Variants in SUMF1 observed in about 807,000 individuals in gnomAD.
SUMF1 encodes the protein formylglycine-generating enzyme.
In SUMF1, 48 loss-of-function variants were observed where a neutral mutation model predicts 47.6. The ratio of observed to expected loss-of-function variants is 1.01; its 90% CI spans 0.80 to 1.28. The LOEUF (loss-of-function observed/expected upper bound fraction) is 1.28, where lower values mean the gene tolerates loss of function less well. Among genes scored for constraint, SUMF1 ranks in the 50% most tolerant of loss-of-function variants. The pLI, the probability that SUMF1 is intolerant of heterozygous loss-of-function variation, is 0.00. For synonymous variants in SUMF1, 230 were observed against 192.1 expected (o/e 1.20, Z -1.63); for missense variants, 571 against 485.4 (o/e 1.18, Z -1.66).
intron 8 of SUMF1, among the ~76,000 whole-genome samples, chr3:4,087,317 C>T (rs1356229): frequency 0.12 from 18,014 of 152,102 alleles, 2,101 homozygotes; most frequent in African/African-American, 0.28. Flanking sequence ...GAATAGTTAC[C>T]ATGCAGCATG....
rs370394764 is a variant in SUMF1 at position 4,187,587 on chromosome 3, G to A, written c.1015-118842C>T. 9.9e-4 allele frequency among the ~76,000 whole-genome samples: 151 copies of A among 152,250 alleles called. 4 individuals are homozygous for A. In the South Asian group the frequency reaches 0.03, roughly 31 times the overall value. ...AAATTGAGGAATTAAAATTGGAGAA[G>A]ACGAATTTTATTGAGGGTTTCCCAA... On this transcript the variant is annotated intron_variant and NMD_transcript_variant, in intron 8 of 12. Coordinates refer to the SUMF1 transcript ENST00000448413.
chr3:4,345,284 G>A (rs573414642), intron 8 of SUMF1, among the ~76,000 whole-genome samples: 3 of 152,198 alleles, frequency 2.0e-5, no homozygotes, highest in Non-Finnish European at 4.4e-5. Flanking sequence ...CAGCCAGACA[G>A]AAAGGTCAGG....
downstream of SUMF1, among the ~76,000 whole-genome samples, chr3:4,360,205 C>CTTTT (rs57690047): frequency 0.11 from 11,829 of 103,872 alleles, 1,743 homozygotes; most frequent in African/African-American, 0.28. Flanking sequence ...AATGTTTGTT[C>CTTTT]TTTTTTTTTT....
At chr3:4,442,862 A>C (rs1238961824) in intron 3 of SUMF1, among the ~76,000 whole-genome samples, 1 of 152,148 alleles carries the variant, frequency 6.6e-6, no homozygotes, top group East Asian at 1.9e-4. Flanking sequence ...CTCAAGCTCA[A>C]ATGCAATCCA....
intron 1 of SUMF1, among the ~76,000 whole-genome samples, chr3:4,456,658 GTA>G (rs1310131227): frequency 2.3e-4 from 29 of 126,352 alleles, no homozygotes; most frequent in South Asian, 1.2e-3. Flanking sequence ...ATATGTGTGT[GTA>G]TATATATATA....
At chr3:4,313,599 T>G (rs199553703) in intron 8 of SUMF1, 1 of 1,614,116 alleles carries the variant, frequency 6.2e-7, no homozygotes, top group Admixed American at 1.7e-5. Flanking sequence ...TAAGGAAACC[T>G]TGTTACTGTG....
chr3:4,301,837 G>C (rs1269718944), intron 8 of SUMF1, among the ~76,000 whole-genome samples: 1 of 152,230 alleles, frequency 6.6e-6, no homozygotes, highest in Non-Finnish European at 1.5e-5. Flanking sequence ...TGCGTAACTG[G>C]ATTTGAGGAG....
intron 8 of SUMF1, among the ~76,000 whole-genome samples, chr3:4,271,599 T>C (rs887156645): frequency 1.3e-5 from 2 of 152,092 alleles, no homozygotes; most frequent in Non-Finnish European, 2.9e-5. Flanking sequence ...AATCCCAGGC[T>C]CAAGTGATTC....
intron 9 of SUMF1, among the ~76,000 whole-genome samples, chr3:4,059,916 A>G (rs921212922): frequency 3.9e-5 from 6 of 152,130 alleles, no homozygotes; most frequent in Non-Finnish European, 7.3e-5. Context: ...AGGGGACTGT[A>G]TATGCAAAGG....
chr3:4,093,544 C>G (rs545357931), intron 8 of SUMF1, among the ~76,000 whole-genome samples: 9 of 151,904 alleles, frequency 5.9e-5, no homozygotes, highest in Non-Finnish European at 8.8e-5. Flanking sequence ...TGAGTAGGAG[C>G]ATACAAACAC....
At chr3:4,241,954 T>A (rs926453834) in intron 8 of SUMF1, among the ~76,000 whole-genome samples, 1 of 152,148 alleles carries the variant, frequency 6.6e-6, no homozygotes, top group African/African-American at 2.4e-5. Context: ...CTTCTTACTA[T>A]GCAAATGGGC....
At chr3:4,202,957 T>A (rs1358551527) in intron 8 of SUMF1, among the ~76,000 whole-genome samples, 3 of 151,866 alleles carry the variant, frequency 2.0e-5, no homozygotes, top group South Asian at 2.1e-4. Context: ...ATTATTTCCA[T>A]TTTTTTTAAT....
At chr3:4,181,242 T>C (rs1363944736) in intron 8 of SUMF1, among the ~76,000 whole-genome samples, 1 of 152,150 alleles carries the variant, frequency 6.6e-6, no homozygotes, top group East Asian at 1.9e-4. Flanking sequence ...GTTACAGCTT[T>C]TGCTCAGGGG....
chr3:4,322,637 G>A (rs1419611373), intron 8 of SUMF1, among the ~76,000 whole-genome samples: 2 of 151,642 alleles, frequency 1.3e-5, no homozygotes, highest in Admixed American at 6.6e-5. Flanking sequence ...TTCAGCCTGG[G>A]TGAAAGAGGG....
chr3:4,426,474 T>A lies in SUMF1; in HGVS notation c.520-6328A>T, dbSNP rs561292454. Among the ~76,000 whole-genome samples the A allele has an allele frequency of 2.6e-5, 4 of 152,362 alleles. No individual in the cohort carries two copies. The South Asian group carries it at 8.3e-4, about 32-fold the overall frequency. On this transcript the variant is annotated intron_variant, in intron 3 of 8. Transcript: ENST00000272902. ...TCACTAGACGTTTTCCTTTTCCAAG[T>A]GTCACTGTTTCTAAACATTTCAAAT...
intron 8 of SUMF1, among the ~76,000 whole-genome samples, chr3:4,190,189 G>GTT (rs200279859): frequency 2.5e-4 from 36 of 141,930 alleles, no homozygotes; most frequent in African/African-American, 8.2e-4. Flanking sequence ...CTTATGGAGA[G>GTT]TTTTTTTTTT....
chr3:4,335,829 G>A (rs868049246), intron 8 of SUMF1, among the ~76,000 whole-genome samples: 5 of 151,674 alleles, frequency 3.3e-5, no homozygotes, highest in Non-Finnish European at 7.4e-5. Context: ...GTGTGGTGGC[G>A]GGCACATGTA....
At chr3:4,097,047 T>A (rs1206800952) in intron 8 of SUMF1, among the ~76,000 whole-genome samples, 2 of 152,122 alleles carry the variant, frequency 1.3e-5, no homozygotes, top group East Asian at 3.8e-4. Flanking sequence ...AGACTAACAA[T>A]TTTCAACTTC....
intron 8 of SUMF1, among the ~76,000 whole-genome samples, chr3:4,269,963 C>G (rs538827448): frequency 2.1e-4 from 32 of 152,228 alleles, no homozygotes; most frequent in Middle Eastern, 6.8e-3. Flanking sequence ...AGTAATGATA[C>G]CATGTATTAA....
Sources: gnomAD v4.1 joint callset for allele counts (sites outside exome capture counted in the v4.1 genomes callset) on GRCh38, gnomAD v4.1.1 for gene constraint, MANE v1.5 for transcripts, NCBI Gene and HGNC (gene_info 2026-07-23, HGNC 2026-07-21) for gene names.